The following CCDC122 variants were observed in gnomAD, a reference collection of about 807,000 sequenced individuals.
CCDC122 encodes coiled-coil domain containing 122, also known as coiled-coil domain-containing protein 122.
In CCDC122, 38 loss-of-function variants were observed where a neutral mutation model predicts 37.0. The observed-to-expected ratio is 1.03, with a 90% CI of 0.79 to 1.35. CCDC122 has a LOEUF of 1.35. CCDC122 is among the 40% of genes most tolerant of loss of function. The probability of loss-of-function intolerance (pLI) is 0.00; values close to 1 mark genes in which losing one functional copy is unlikely to be tolerated. For synonymous variants in CCDC122, 83 were observed against 95.6 expected (o/e 0.87, Z 0.77); for missense variants, 305 against 310.0 (o/e 0.98, Z 0.12).
chr13:43,857,363 T>G (rs1404694323), intron 6 of CCDC122, among the ~76,000 whole-genome samples: 1 of 152,056 alleles, frequency 6.6e-6, no homozygotes, highest in Admixed American at 6.6e-5. Flanking sequence ...ACCACAGAAT[T>G]TATGGAGTGT....
chr13:43,845,369 T>C (rs1953483649), intron 6 of CCDC122, among the ~76,000 whole-genome samples: 1 of 152,226 alleles, frequency 6.6e-6, no homozygotes, highest in African/African-American at 2.4e-5. Flanking sequence ...TTTATCTACA[T>C]ATTTTCCATT....
chr13:43,852,712 G>GA (rs1230447513), intron 6 of CCDC122, among the ~76,000 whole-genome samples: 1 of 148,752 alleles, frequency 6.7e-6, no homozygotes, highest in African/African-American at 2.5e-5. Flanking sequence ...GAAATGAAAG[G>GA]AAAAAATGTT....
At chr13:43,873,444 CTTG>C (rs1483771927) in intron 2 of CCDC122, among the ~76,000 whole-genome samples, 3 of 152,116 alleles carry the variant, frequency 2.0e-5, no homozygotes, top group African/African-American at 4.8e-5. Context: ...GTTCATTTTT[CTTG>C]TTGTTCAGGC....
At chr13:43,856,117 A>G (rs1427017220) in intron 6 of CCDC122, 2 of 152,166 alleles carry the variant, frequency 1.3e-5, no homozygotes, top group African/African-American at 2.4e-5. Context: ...CAGAAAACCA[A>G]ATACTGGATG....
intron 2 of CCDC122, among the ~76,000 whole-genome samples, chr13:43,869,841 T>C (rs11617551): frequency 0.38 from 57,002 of 151,954 alleles, 12,872 homozygotes; most frequent in Non-Finnish European, 0.52. Context: ...ATAACCAGAA[T>C]CTGTGAGAAA....
chr13:43,877,730 T>C (rs1954673122), intron 1 of CCDC122: 1 of 152,220 alleles, frequency 6.6e-6, no homozygotes, highest in South Asian at 2.1e-4. Flanking sequence ...AGAACAGCTT[T>C]TATTTGAGTG....
chr13:43,845,528 TGG>T (rs1953491198), intron 6 of CCDC122, among the ~76,000 whole-genome samples: 1 of 152,140 alleles, frequency 6.6e-6, no homozygotes, highest in East Asian at 1.9e-4. Context: ...CTGGCCAGCA[TGG>T]CAAAACCCCA....
intron 6 of CCDC122, among the ~76,000 whole-genome samples, chr13:43,851,625 C>T (rs1195786281): frequency 6.6e-6 from 1 of 152,222 alleles, no homozygotes; most frequent in Non-Finnish European, 1.5e-5. Context: ...CACCCCACTG[C>T]ACTGCCACTA....
chr13:43,827,164 T>C (rs1953048436), intron 3 of CCDC122, among the ~76,000 whole-genome samples: 2 of 152,184 alleles, frequency 1.3e-5, no homozygotes, highest in South Asian at 4.1e-4. Flanking sequence ...GCATATTTCT[T>C]GTGGTTTGTT....
At chr13:43,876,273 C>A (rs1954608439) in intron 1 of CCDC122, among the ~76,000 whole-genome samples, 1 of 152,176 alleles carries the variant, frequency 6.6e-6, no homozygotes, top group African/African-American at 2.4e-5. Flanking sequence ...TGCTACATGG[C>A]TTTTTCTGGA....
chr13:43,873,332 C>G (rs997369314), intron 2 of CCDC122, among the ~76,000 whole-genome samples: 1 of 152,124 alleles, frequency 6.6e-6, no homozygotes, highest in Non-Finnish European at 1.5e-5. Context: ...ATAGGCATTT[C>G]AACTCAATAT....
At chr13:43,840,367 C>A (rs1953304267) in intron 6 of CCDC122, among the ~76,000 whole-genome samples, 1 of 152,008 alleles carries the variant, frequency 6.6e-6, no homozygotes, top group Admixed American at 6.6e-5. Context: ...AAATATACCA[C>A]AATTTATTTT....
At chr13:43,830,712 A>G (rs1419029258) in intron 3 of CCDC122, among the ~76,000 whole-genome samples, 1 of 152,210 alleles carries the variant, frequency 6.6e-6, no homozygotes, top group African/African-American at 2.4e-5. Flanking sequence ...AAGTAAAGAG[A>G]TGATAGATTC....
chr13:43,846,195 C>T (rs1434224919), intron 6 of CCDC122, among the ~76,000 whole-genome samples: 1 of 152,114 alleles, frequency 6.6e-6, no homozygotes, highest in African/African-American at 2.4e-5. Context: ...CAGCCTCAGC[C>T]TCCTGAGTAG....
At chr13:43,868,228 C>T (rs1014002594) in intron 4 of CCDC122, among the ~76,000 whole-genome samples, 15 of 152,008 alleles carry the variant, frequency 9.9e-5, no homozygotes, top group Non-Finnish European at 1.6e-4. Flanking sequence ...TATCTAATTA[C>T]GTTGCATGCG....
chr13:43,855,362 GCC>G (rs1491352556), intron 6 of CCDC122: 1 of 90,130 alleles, frequency 1.1e-5, no homozygotes, highest in African/African-American at 4.3e-5. Context: ...ATTCACAGTT[GCC>G]ACACACACAC....
At chr13:43,846,425 G>A (rs1156954811) in intron 6 of CCDC122, among the ~76,000 whole-genome samples, 1 of 152,134 alleles carries the variant, frequency 6.6e-6, no homozygotes, top group Admixed American at 6.6e-5. Flanking sequence ...TAACCATTGT[G>A]CACATGTTGA....
intron 4 of CCDC122, among the ~76,000 whole-genome samples, chr13:43,864,557 G>A (rs1954212426): frequency 6.6e-6 from 1 of 152,080 alleles, no homozygotes; most frequent in African/African-American, 2.4e-5. Context: ...GGAGGCGCCA[G>A]GCTCTTTTTA....
intron 6 of CCDC122, chr13:43,855,590 C>T (rs536855948): frequency 6.6e-6 from 1 of 150,816 alleles, no homozygotes; most frequent in South Asian, 2.1e-4. Flanking sequence ...TTTAAACTAC[C>T]AAAAAAAAGT....
Sources: gnomAD v4.1 joint callset for allele counts (sites outside exome capture counted in the v4.1 genomes callset) on GRCh38, gnomAD v4.1.1 for gene constraint, MANE v1.5 for transcripts, NCBI Gene and HGNC (gene_info 2026-07-23, HGNC 2026-07-21) for gene names.